IGSF11: variants seen among roughly 807,000 people sequenced by gnomAD.
IGSF11 encodes the protein CXADR like 1.
A neutral mutation model predicts 41.0 loss-of-function variants in IGSF11; 22 were observed. The ratio of observed to expected loss-of-function variants is 0.54; its 90% CI spans 0.38 to 0.77. The LOEUF is 0.77. Among genes scored for constraint, IGSF11 ranks in the 30% least tolerant of loss-of-function variants. The pLI is 0.00. For missense variants in IGSF11, 444 were observed against 530.8 expected, an observed-to-expected ratio of 0.84 and a Z score of 1.61; for synonymous variants, 219 against 201.3, an observed-to-expected ratio of 1.09 and a Z score of -0.74.
intron 1 of IGSF11, among the ~76,000 whole-genome samples, chr3:119,117,753 A>G (rs2077278340): frequency 6.6e-6 from 1 of 152,232 alleles, no homozygotes; most frequent in African/African-American, 2.4e-5. Flanking sequence ...TCCACCTATG[A>G]GCCTGTAAAA....
intron 1 of IGSF11, among the ~76,000 whole-genome samples, chr3:119,113,440 G>C (rs888877355): frequency 3.0e-4 from 46 of 152,300 alleles, no homozygotes; most frequent in Middle Eastern, 3.4e-3. Flanking sequence ...AGGAGCTACA[G>C]GTCCCATGGA....
intron 1 of IGSF11, among the ~76,000 whole-genome samples, chr3:119,008,916 CT>C: frequency 6.6e-6 from 1 of 152,232 alleles, no homozygotes; most frequent in Admixed American, 6.5e-5. Flanking sequence ...CTCCTGCCAA[CT>C]GCAACATCAC....
intron 4 of IGSF11, among the ~76,000 whole-genome samples, chr3:118,906,079 A>G (rs1939557638): frequency 6.6e-6 from 1 of 152,224 alleles, no homozygotes; most frequent in Non-Finnish European, 1.5e-5. Flanking sequence ...GCAATAACAT[A>G]AAGATCATGT....
chr3:119,129,342 T>G (rs1278097163), intron 1 of IGSF11, among the ~76,000 whole-genome samples: 1 of 152,104 alleles, frequency 6.6e-6, no homozygotes, highest in African/African-American at 2.4e-5. Flanking sequence ...TCACTGGTGA[T>G]AGTAAGTACA....
chr3:119,066,879 T>C (rs1395792302), intron 1 of IGSF11, among the ~76,000 whole-genome samples: 4 of 152,232 alleles, frequency 2.6e-5, no homozygotes, highest in African/African-American at 2.4e-5. Context: ...TTTAGTTTTA[T>C]ACATCTATTT....
At chr3:119,034,465 C>A in intron 1 of IGSF11, 66 bp downstream of exon 1, 1 of 1,397,588 alleles carries the variant, frequency 7.2e-7, no homozygotes, top group South Asian at 1.5e-5. Context: ...CGTCCCCAAA[C>A]AGCTTCGCCC....
intron 1 of IGSF11, among the ~76,000 whole-genome samples, chr3:119,093,149 A>G (rs2076792666): frequency 1.3e-5 from 2 of 152,260 alleles, no homozygotes; most frequent in Non-Finnish European, 2.9e-5. Context: ...AAGTGTGAAT[A>G]ACAGAAAATG....
intron 1 of IGSF11, among the ~76,000 whole-genome samples, chr3:119,139,862 A>G (rs1000196837): frequency 1.3e-5 from 2 of 152,226 alleles, no homozygotes; most frequent in African/African-American, 4.8e-5. Context: ...AAATAATAAT[A>G]CAAAGAATGG....
At chr3:119,145,743 G>A (rs1005081635) in intron 1 of IGSF11, 4 of 161,712 alleles carry the variant, frequency 2.5e-5, no homozygotes, top group African/African-American at 9.6e-5. Context: ...TGGTCCTCGT[G>A]CAGCTGGTTG....
exon 1 of IGSF11, chr3:119,145,888 A>T: frequency 3.0e-6 from 1 of 332,760 alleles, no homozygotes; most frequent in Non-Finnish European, 5.6e-6. Flanking sequence ...CTAGGTGGCG[A>T]TGCACGGAGC....
At chr3:119,049,660 T>C (rs939996396) in intron 1 of IGSF11, among the ~76,000 whole-genome samples, 1 of 152,274 alleles carries the variant, frequency 6.6e-6, no homozygotes, top group African/African-American at 2.4e-5. Flanking sequence ...TTAAAGTTCA[T>C]ATGGAACCTA....
In IGSF11 at chr3:118,902,778, A is replaced by G; in HGVS notation, c.1038T>C (p.Ser346=). 1 of 1,614,192 alleles carries G rather than the reference A, an allele frequency of 6.2e-7. No individual in the cohort carries two copies. Among genetic ancestry groups the G allele is most frequent in the Non-Finnish European group, 8.5e-7 (1 of 1,179,996 alleles). ...GTATGTTGGCATTGCCTGAGTGGAA[A>G]GAGAAAGATTGGCCCAAGTCACTGA... ...SHFSDLGQSF[S]FHSGNANIPS... The change falls in exon 7 of 7, where the codon TCT becomes TCC. Residue 346 remains serine (S), a synonymous_variant. Coordinates refer to ENST00000393775, the MANE Select transcript of IGSF11 (RefSeq NM_001015887.3).
chr3:118,973,569 G>A (rs1331696458), intron 1 of IGSF11, among the ~76,000 whole-genome samples: 3 of 152,088 alleles, frequency 2.0e-5, no homozygotes, highest in African/African-American at 4.8e-5. Context: ...TCTCCTAAAG[G>A]CCTATGCTTC....
At chr3:119,107,562 C>A (rs2077055879), upstream of IGSF11, among the ~76,000 whole-genome samples, 1 of 151,912 alleles carries the variant, frequency 6.6e-6, no homozygotes, top group South Asian at 2.1e-4. Flanking sequence ...ATGGTAGTTT[C>A]TTTTGCTGTG....
At chr3:119,039,802 T>A (rs908566223), upstream of IGSF11, among the ~76,000 whole-genome samples, 2 of 152,190 alleles carry the variant, frequency 1.3e-5, no homozygotes, top group African/African-American at 4.8e-5. Flanking sequence ...TAAGATCTTT[T>A]CTCATGTGTC....
At chr3:119,126,999 T>C (rs956599790) in intron 1 of IGSF11, among the ~76,000 whole-genome samples, 1 of 152,012 alleles carries the variant, frequency 6.6e-6, no homozygotes, top group African/African-American at 2.4e-5. Flanking sequence ...TGTCTCTCCA[T>C]CAAGGGCACA....
intron 1 of IGSF11, among the ~76,000 whole-genome samples, chr3:119,048,823 G>A (rs1941486336): frequency 6.6e-6 from 1 of 151,844 alleles, no homozygotes; most frequent in Non-Finnish European, 1.5e-5. Context: ...TTCATCCCTG[G>A]GATGCAAGGC....
chr3:119,113,631 A>T (rs1402662598), intron 1 of IGSF11, among the ~76,000 whole-genome samples: 1 of 152,200 alleles, frequency 6.6e-6, no homozygotes, highest in East Asian at 1.9e-4. Context: ...GCTAGGGTGG[A>T]GTGCCTGCAG....
chr3:119,110,247 G>A (rs1211277572), intron 1 of IGSF11, among the ~76,000 whole-genome samples: 3 of 151,956 alleles, frequency 2.0e-5, no homozygotes, highest in Non-Finnish European at 4.4e-5. Context: ...AGGTCACTCA[G>A]GACTTGCTTT....
Sources: gnomAD v4.1 joint callset for allele counts (sites outside exome capture counted in the v4.1 genomes callset) on GRCh38, gnomAD v4.1.1 for gene constraint, MANE v1.5 for transcripts, NCBI Gene and HGNC (gene_info 2026-07-23, HGNC 2026-07-21) for gene names.